The following KCNIP4 variants were observed in gnomAD, a reference collection of about 807,000 sequenced individuals.
KCNIP4 encodes the protein Kv channel-interacting protein 4.
Under a neutral mutation model 34.0 loss-of-function variants are expected in KCNIP4, and 12 were observed. The ratio of observed to expected loss-of-function variants is 0.35; its 90% CI spans 0.23 to 0.57. The LOEUF is 0.57. KCNIP4 is among the 20% of genes least tolerant of loss of function. The pLI is 0.83. For missense variants in KCNIP4, 238 were observed against 311.7 expected, an observed-to-expected ratio of 0.76 and a Z score of 1.78; for synonymous variants, 124 against 102.2, an observed-to-expected ratio of 1.21 and a Z score of -1.29.
At chr4:21,110,876 A>C (rs1749105583) in intron 1 of KCNIP4, among the ~76,000 whole-genome samples, 1 of 152,134 alleles carries the variant, frequency 6.6e-6, no homozygotes, top group Non-Finnish European at 1.5e-5. Context: ...CGTGAGAAAT[A>C]CATTTCTGTT....
intron 1 of KCNIP4, among the ~76,000 whole-genome samples, chr4:21,237,865 C>T (rs753347603): frequency 4.6e-5 from 7 of 152,154 alleles, no homozygotes; most frequent in Non-Finnish European, 1.0e-4. Flanking sequence ...GGGAATCCTC[C>T]CTAATTCATT....
At chr4:21,595,140 T>C (rs929344437) in intron 1 of KCNIP4, among the ~76,000 whole-genome samples, 8 of 152,004 alleles carry the variant, frequency 5.3e-5, no homozygotes, top group Non-Finnish European at 2.9e-5. Flanking sequence ...TCCCTACCCT[T>C]GCACCCCAAC....
chr4:21,759,047 G>A (rs1197999610), intron 1 of KCNIP4, among the ~76,000 whole-genome samples: 1 of 152,116 alleles, frequency 6.6e-6, no homozygotes, highest in African/African-American at 2.4e-5. Flanking sequence ...CTCCTTGTTA[G>A]TATTACTCAT....
At chr4:20,750,035 A>G (rs1465977584) in intron 4 of KCNIP4, among the ~76,000 whole-genome samples, 1 of 152,190 alleles carries the variant, frequency 6.6e-6, no homozygotes, top group African/African-American at 2.4e-5. Context: ...GTGGATGTGA[A>G]GATTGAGACT....
At chr4:21,282,860 C>T (rs1762866588) in intron 1 of KCNIP4, among the ~76,000 whole-genome samples, 1 of 152,166 alleles carries the variant, frequency 6.6e-6, no homozygotes, top group Admixed American at 6.5e-5. Context: ...TGCTGCCTCA[C>T]TTTCAGCGGT....
At chr4:20,836,871 CTT>C (rs34416477) in intron 3 of KCNIP4, among the ~76,000 whole-genome samples, 4 of 148,608 alleles carry the variant, frequency 2.7e-5, no homozygotes, top group South Asian at 2.1e-4. Flanking sequence ...AGAGTTCTCT[CTT>C]TTTTTTTTTC....
At chr4:21,840,709 T>A (rs1332631562) in intron 1 of KCNIP4, among the ~76,000 whole-genome samples, 3 of 152,182 alleles carry the variant, frequency 2.0e-5, no homozygotes, top group Admixed American at 6.6e-5. Flanking sequence ...TCACTAAAAT[T>A]TTAGTCTTGA....
intron 1 of KCNIP4, chr4:21,718,723 A>G (rs1269352379): frequency 1.3e-5 from 2 of 152,326 alleles, no homozygotes; most frequent in Non-Finnish European, 2.9e-5. Flanking sequence ...GAAACTCAAG[A>G]ACATTAACTG....
chr4:21,773,753 TTTTTTGTTTGTTTG>T (rs1560704138), intron 1 of KCNIP4, among the ~76,000 whole-genome samples: 7 of 53,890 alleles, frequency 1.3e-4, no homozygotes, highest in African/African-American at 5.4e-4. Flanking sequence ...TTGTTTTTTT[TTTTTTGTTTGTTTG>T]TTTTTGTTTT....
At chr4:21,128,978 G>A (rs994268169) in intron 1 of KCNIP4, among the ~76,000 whole-genome samples, 2 of 152,112 alleles carry the variant, frequency 1.3e-5, no homozygotes, top group Non-Finnish European at 2.9e-5. Context: ...GATTAAATAA[G>A]GTTGTTGATA....
At chr4:21,135,188 T>C (rs1688188921) in intron 1 of KCNIP4, among the ~76,000 whole-genome samples, 1 of 152,238 alleles carries the variant, frequency 6.6e-6, no homozygotes, top group Non-Finnish European at 1.5e-5. Flanking sequence ...ATATCATTGC[T>C]GCTCTCTGCT....
Position 21,215,803 on chromosome 4 carries a change from T to C in KCNIP4, c.62-333094A>G, listed in dbSNP as rs568816186. ...AAGTCTATGACCAAGATATTCTTTG[T>C]TGTTGTTGTTGTTTGTTTGTTTGTT... On this transcript the variant is annotated intron_variant, in intron 1 of 8. Coordinates refer to ENST00000382152, the MANE Select transcript of KCNIP4 (RefSeq NM_025221.6). Among the ~76,000 whole-genome samples the C allele has an allele frequency of 4.6e-5, 7 of 152,176 alleles. No individual in the cohort carries two copies. The South Asian group carries it at 1.5e-3, about 32-fold the overall frequency.
intron 1 of KCNIP4, among the ~76,000 whole-genome samples, chr4:21,156,590 C>T (rs1753160126): frequency 6.6e-6 from 1 of 152,116 alleles, no homozygotes; most frequent in South Asian, 2.1e-4. Flanking sequence ...CTGTAACTAA[C>T]ACAGTAGGTG....
chr4:21,198,985 CG>C (rs1490497831), intron 1 of KCNIP4, among the ~76,000 whole-genome samples: 6 of 151,664 alleles, frequency 4.0e-5, no homozygotes, highest in African/African-American at 1.5e-4. Flanking sequence ...ACTGATCTGG[CG>C]CTGTCCTTTC....
Position 21,504,711 on chromosome 4 carries a change from G to T in KCNIP4, c.61+443860C>A, listed in dbSNP as rs566549091. 2.0e-5 allele frequency among the ~76,000 whole-genome samples: 3 copies of T among 152,144 alleles called. No homozygotes were observed. The South Asian group carries it at 6.2e-4, about 32-fold the overall frequency. On this transcript the variant is annotated intron_variant, in intron 1 of 8. Transcript: ENST00000382152. ...TCAAGTTAGAATACAATGATTTGGG[G>T]TTTCACACGGGATACTATCAGATGA...
At chr4:21,773,732 G>GTTTT (rs1337547042) in intron 1 of KCNIP4, among the ~76,000 whole-genome samples, 4 of 71,306 alleles carry the variant, frequency 5.6e-5, no homozygotes, top group African/African-American at 2.8e-4. Context: ...TGCAACCCCT[G>GTTTT]TTTTTTTTTG....
At chr4:21,647,876 T>C (rs1256390561) in intron 1 of KCNIP4, among the ~76,000 whole-genome samples, 1 of 139,364 alleles carries the variant, frequency 7.2e-6, no homozygotes, top group Non-Finnish European at 1.5e-5. Context: ...TTTTTTTTTT[T>C]TTTTTTTTTT....
At chr4:21,775,514 G>T (rs1021981046) in intron 1 of KCNIP4, among the ~76,000 whole-genome samples, 2 of 152,148 alleles carry the variant, frequency 1.3e-5, no homozygotes, top group African/African-American at 4.8e-5. Flanking sequence ...TTTTCTTCGG[G>T]GGAAACCCAT....
At chr4:20,936,624 T>A (rs527657406) in intron 1 of KCNIP4, among the ~76,000 whole-genome samples, 88 of 152,278 alleles carry the variant, frequency 5.8e-4, no homozygotes, top group Admixed American at 1.8e-3. Flanking sequence ...ATACTCAGAC[T>A]GTACAATACT....
Sources: gnomAD v4.1 joint callset for allele counts (sites outside exome capture counted in the v4.1 genomes callset) on GRCh38, gnomAD v4.1.1 for gene constraint, MANE v1.5 for transcripts, NCBI Gene and HGNC (gene_info 2026-07-23, HGNC 2026-07-21) for gene names.